Variants in PRKG1 observed in about 807,000 individuals in gnomAD.
The protein encoded by PRKG1 is protein kinase cGMP-dependent 1, also known as cGMP-dependent protein kinase 1.
PRKG1 carries 35 observed loss-of-function variants against 88.1 expected under a neutral mutation model. The ratio of observed to expected loss-of-function variants is 0.40; its 90% CI spans 0.30 to 0.53. The LOEUF (loss-of-function observed/expected upper bound fraction) is 0.53, where lower values mean the gene tolerates loss of function less well. Among genes scored for constraint, PRKG1 ranks in the 20% least tolerant of loss-of-function variants. The probability of loss-of-function intolerance (pLI) is 0.59; values close to 1 mark genes in which losing one functional copy is unlikely to be tolerated. For synonymous variants in PRKG1, 303 were observed against 292.5 expected (o/e 1.04, Z -0.37); for missense variants, 540 against 839.8 (o/e 0.64, Z 4.41).
At chr10:51,169,081 A>T (rs1047622501) in intron 2 of PRKG1, among the ~76,000 whole-genome samples, 1 of 152,178 alleles carries the variant, frequency 6.6e-6, no homozygotes, top group Non-Finnish European at 1.5e-5. Flanking sequence ...GAAAACAGAT[A>T]TTCTTTGAAT....
intron 7 of PRKG1, chr10:52,128,556 A>T: frequency 1.0e-6 from 1 of 985,342 alleles, no homozygotes; most frequent in Non-Finnish European, 1.2e-6. Flanking sequence ...GTGCACGGAA[A>T]CCTATATTTG....
chr10:51,340,130 G>A (rs562345607), intron 2 of PRKG1, among the ~76,000 whole-genome samples: 2 of 152,066 alleles, frequency 1.3e-5, no homozygotes, highest in African/African-American at 4.8e-5. Flanking sequence ...TGAAATAGTT[G>A]CCACTTTGTT....
intron 6 of PRKG1, among the ~76,000 whole-genome samples, chr10:52,059,256 G>A (rs1332170246): frequency 2.6e-5 from 4 of 151,920 alleles, no homozygotes; most frequent in Non-Finnish European, 4.4e-5. Flanking sequence ...AAAACAATTT[G>A]CAGTTTCTAA....
At chr10:51,392,810 G>C (rs1473428888) in intron 2 of PRKG1, among the ~76,000 whole-genome samples, 2 of 147,424 alleles carry the variant, frequency 1.4e-5, no homozygotes, top group Admixed American at 6.7e-5. Flanking sequence ...CGGGCGGGGG[G>C]CTGACCCCCC....
At chr10:51,475,123 G>A (rs779242718) in intron 3 of PRKG1, among the ~76,000 whole-genome samples, 2 of 151,956 alleles carry the variant, frequency 1.3e-5, no homozygotes, top group Non-Finnish European at 2.9e-5. Context: ...GTAATTTAAA[G>A]CCCTTGCTAT....
intron 2 of PRKG1, among the ~76,000 whole-genome samples, chr10:51,248,626 G>A (rs1281040942): frequency 2.6e-5 from 4 of 151,870 alleles, no homozygotes; most frequent in Middle Eastern, 3.4e-3. Context: ...TCTGATCACA[G>A]AAATGGTCTC....
intron 7 of PRKG1, among the ~76,000 whole-genome samples, chr10:52,066,186 A>T (rs1355432641): frequency 6.6e-6 from 1 of 152,142 alleles, no homozygotes; most frequent in East Asian, 1.9e-4. Context: ...CTTCTCAGCC[A>T]TGATTTTACA....
At chr10:51,841,879 T>C (rs1840285333) in intron 4 of PRKG1, among the ~76,000 whole-genome samples, 1 of 152,148 alleles carries the variant, frequency 6.6e-6, no homozygotes, top group Non-Finnish European at 1.5e-5. Flanking sequence ...GATGGGGTTT[T>C]ACCACGCTGG....
At chr10:52,017,232 T>C (rs1845063325) in intron 5 of PRKG1, among the ~76,000 whole-genome samples, 1 of 152,198 alleles carries the variant, frequency 6.6e-6, no homozygotes, top group African/African-American at 2.4e-5. Context: ...AGCAGGGAAA[T>C]GCAGTTCTCT....
rs34738901 is a variant in PRKG1 at position 51,533,617 on chromosome 10, TAAA to T, written c.592+65795_592+65797del. 8.2e-3 allele frequency among the ~76,000 whole-genome samples: 1,165 copies of T among 142,890 alleles called. 7 individuals are homozygous for T. The highest frequency in any genetic ancestry group is 0.018 in the African/African-American group (684 of 38,304). 93.7% of individuals were successfully genotyped at this position (142,890 alleles called of 152,430 possible). ...CAGCGAACAATTCAACTAAAAGCTTTAAAAAAAAAAAAAAAAGCCAGTTTTCAA... is the reference window on the plus strand; with the variant it reads ...CAGCGAACAATTCAACTAAAAGCTTTAAAAAAAAAAAAAGCCAGTTTTCAA... On this transcript the variant is annotated intron_variant, in intron 3 of 17. Transcript: ENST00000373980.
chr10:52,290,126 C>A, intron 16 of PRKG1, 98 bp from the exon 17 acceptor site: 2 of 874,182 alleles, frequency 2.3e-6, no homozygotes. Flanking sequence ...AAAATGTTTG[C>A]CTAACTGCTT....
intron 2 of PRKG1, among the ~76,000 whole-genome samples, chr10:51,214,286 A>G (rs1340601542): frequency 6.6e-6 from 1 of 152,184 alleles, no homozygotes; most frequent in Non-Finnish European, 1.5e-5. Flanking sequence ...GTGTTACACT[A>G]TGGTTTCATA....
At chr10:51,113,820 T>C (rs1219193647) in intron 1 of PRKG1, among the ~76,000 whole-genome samples, 1 of 151,754 alleles carries the variant, frequency 6.6e-6, no homozygotes, top group Non-Finnish European at 1.5e-5. Flanking sequence ...TCAATTCCAT[T>C]GAAAGTAGCT....
chr10:51,861,857 T>C (rs1589367496), intron 4 of PRKG1, among the ~76,000 whole-genome samples: 2 of 152,332 alleles, frequency 1.3e-5, no homozygotes, highest in South Asian at 4.1e-4. Flanking sequence ...TGCCTCTGCC[T>C]GGGTTTTGCT....
chr10:51,225,337 G>A (rs1201260773), intron 2 of PRKG1, among the ~76,000 whole-genome samples: 2 of 152,134 alleles, frequency 1.3e-5, no homozygotes, highest in Non-Finnish European at 2.9e-5. Context: ...CGAAGACCCT[G>A]CCTCCTAATC....
intron 1 of PRKG1, among the ~76,000 whole-genome samples, chr10:51,009,876 A>G (rs1842974815): frequency 6.6e-6 from 1 of 152,254 alleles, no homozygotes; most frequent in Non-Finnish European, 1.5e-5. Context: ...AGAGAGAAGT[A>G]TCATTCTCCA....
chr10:51,411,619 C>A (rs925887042), intron 2 of PRKG1, among the ~76,000 whole-genome samples: 1 of 152,144 alleles, frequency 6.6e-6, no homozygotes, highest in Admixed American at 6.6e-5. Flanking sequence ...TGATGCCCTG[C>A]ACTTTAGGTA....
intron 5 of PRKG1, among the ~76,000 whole-genome samples, chr10:52,036,019 G>A (rs1253450388): frequency 1.1e-4 from 16 of 152,250 alleles, no homozygotes; most frequent in Admixed American, 4.6e-4. Context: ...GAGATTAGTC[G>A]GACATGATTG....
At chr10:52,137,980 T>G (rs1005822619) in intron 8 of PRKG1, among the ~76,000 whole-genome samples, 9 of 152,150 alleles carry the variant, frequency 5.9e-5, no homozygotes, top group African/African-American at 1.9e-4. Context: ...CAACTTATAA[T>G]TATTAGTAAA....
Sources: gnomAD v4.1 joint callset for allele counts (sites outside exome capture counted in the v4.1 genomes callset) on GRCh38, gnomAD v4.1.1 for gene constraint, MANE v1.5 for transcripts, NCBI Gene and HGNC (gene_info 2026-07-23, HGNC 2026-07-21) for gene names.